The following MIA variants were observed in gnomAD, a reference collection of about 807,000 sequenced individuals.
MIA encodes melanoma-derived growth regulatory protein.
In MIA, 18 loss-of-function variants were observed where a neutral mutation model predicts 18.5. That is an observed-to-expected ratio of 0.97 (90% confidence interval 0.67 to 1.44). The LOEUF (loss-of-function observed/expected upper bound fraction) is 1.44. Ranked by LOEUF, MIA falls within the 40% of genes most tolerant of loss-of-function variation. The pLI, the probability that MIA is intolerant of heterozygous loss-of-function variation, is 0.00. For synonymous variants in MIA, 55 were observed against 64.9 expected, an observed-to-expected ratio of 0.85 and a Z score of 0.74; for missense variants, 158 against 172.4, an observed-to-expected ratio of 0.92 and a Z score of 0.47.
Position 40,775,856 on chromosome 19 carries a change from G to T in MIA, c.232G>T (p.Gly78Cys). ...QVVYVFSKLKGRGRLFWGGSV... is the reference protein window; with the variant it reads ...QVVYVFSKLKCRGRLFWGGSV... ...GGTGTATGTCTTCTCCAAGCTGAAG[G>T]GCCGTGGGCGGCTCTTCTGGGGAGG... is the stretch of plus-strand genomic sequence containing the variant. The change falls in exon 2 of 4, where the codon GGC becomes TGC. Residue 78 changes from glycine to cysteine, a missense_variant. Coordinates refer to ENST00000263369, the MANE Select transcript of MIA (RefSeq NM_006533.4). 2 of 1,614,042 alleles carry T rather than the reference G, an allele frequency of 1.2e-6. No individual in the cohort carries two copies. The highest frequency in any genetic ancestry group is 1.7e-6 in the Non-Finnish European group (2 of 1,180,016).
At chr19:40,775,517 G>T (rs751154983), upstream of MIA, 1 of 1,613,592 alleles carries the variant, frequency 6.2e-7, no homozygotes, top group Non-Finnish European at 8.5e-7. Flanking sequence ...GCACCCCCTT[G>T]CTCACTCTCT....
Position 40,775,785 on chromosome 19 carries a change from A to T in MIA, c.161A>T (p.Tyr54Phe). 2 of 1,614,016 alleles carry T rather than the reference A, an allele frequency of 1.2e-6. No individual in the cohort carries two copies. The highest frequency in any genetic ancestry group is 1.7e-6 in the Non-Finnish European group (2 of 1,180,016). ...TCCATGGCTGTGGCCCTTCAGGACT[A>T]CATGGCCCCCGACTGCCGATTCCTG... ...PISMAVALQD[Y>F]MAPDCRFLTI... Residue 54 changes from tyrosine (Y) to phenylalanine (F), a missense_variant, in exon 2 of 4, where the codon TAC (tyrosine) becomes TTC (phenylalanine). By Grantham distance (22) the Tyr-to-Phe change is conservative. Transcript: ENST00000263369.
chr19:40,775,991 G>T, intron 2 of MIA, 106 bp downstream of exon 2: 10 of 1,366,546 alleles, frequency 7.3e-6, no homozygotes, highest in Middle Eastern at 1.9e-4. Flanking sequence ...GACATTGTGG[G>T]GGGATATTGT....
intron 2 of MIA, among the ~76,000 whole-genome samples, chr19:40,776,519 A>G (rs2082997797): frequency 6.6e-6 from 1 of 152,064 alleles, no homozygotes; most frequent in Admixed American, 6.6e-5. Flanking sequence ...TTGGGAGGAT[A>G]GCTTGAGCCC....
chr19:40,777,221 A>T, intron 3 of MIA, 142 bp downstream of exon 3: 1 of 1,093,342 alleles, frequency 9.1e-7, no homozygotes, highest in Non-Finnish European at 1.4e-6. Context: ...CAATTTTCTC[A>T]CCAGTAAAAT....
At chr19:40,775,453 C>T (rs970927794), upstream of MIA, 11 of 1,587,686 alleles carry the variant, frequency 6.9e-6, no homozygotes, top group African/African-American at 2.7e-5. Flanking sequence ...AGACCAAGAA[C>T]ACAAGTTTCC....
chr19:40,775,311 T>G, upstream of MIA: 12 of 583,300 alleles, frequency 2.1e-5, no homozygotes, highest in Non-Finnish European at 3.3e-5. Flanking sequence ...GGGAAAGTTG[T>G]GAGCTGCTTT....
At chr19:40,775,933 A>C (rs766602638) in intron 2 of MIA, 48 bp downstream of exon 2, 1 of 1,597,504 alleles carries the variant, frequency 6.3e-7, no homozygotes, top group Non-Finnish European at 8.6e-7. Flanking sequence ...GCTGGGGTAG[A>C]CTCATTATCC....
In MIA at chr19:40,775,886, G is replaced by A. The variant is rs746704827; in HGVS notation, c.261+1G>A. 22 of 1,613,972 alleles carry A rather than the reference G, an allele frequency of 1.4e-5. No individual in the cohort carries two copies. The East Asian group carries it at 4.7e-4, about 34-fold the overall frequency. On this transcript the variant is annotated splice_donor_variant, in intron 2 of 3. Coordinates refer to ENST00000263369, the MANE Select transcript of MIA (RefSeq NM_006533.4). LOFTEE classifies it high-confidence loss of function. ...TGGGCGGCTCTTCTGGGGAGGCAGC[G>A]TGAGTCTTGGGAGAGTGAAAGAGGG...
upstream of MIA, chr19:40,775,463 C>T (rs2082988578): frequency 1.3e-6 from 2 of 1,599,568 alleles, no homozygotes; most frequent in Admixed American, 1.7e-5. Context: ...CACAAGTTTC[C>T]TTGTACTACG....
Position 40,777,095 on chromosome 19 carries a change from G to A in MIA, c.372+16G>A. On this transcript the variant is annotated intron_variant, in intron 3 of 3. Transcript: ENST00000263369. ...GAAGACAGACGTGAGTGTCATGGGG[G>A]CTGGCAAGAAATGTGGGGGGAGGAC... 6.2e-7 allele frequency: 1 copy of A among 1,602,798 alleles called. No homozygotes were observed. Among genetic ancestry groups the A allele is most frequent in the Non-Finnish European group, 8.5e-7 (1 of 1,172,090 alleles).
At chr19:40,775,412 C>T (rs909978107), upstream of MIA, 8 of 1,412,164 alleles carry the variant, frequency 5.7e-6, no homozygotes, top group African/African-American at 2.9e-5. Flanking sequence ...GTGGTGTGGG[C>T]GAAGTTTGGG....
At chr19:40,776,112 C>T (rs968053609) in intron 2 of MIA, among the ~76,000 whole-genome samples, 2 of 152,148 alleles carry the variant, frequency 1.3e-5, no homozygotes, top group Non-Finnish European at 2.9e-5. Flanking sequence ...CTGTAACCTC[C>T]ACCTCTTGGG....
At chr19:40,775,485 G>A, upstream of MIA, 1 of 1,610,566 alleles carries the variant, frequency 6.2e-7, no homozygotes, top group Non-Finnish European at 8.5e-7. Context: ...GAGAGAGGGA[G>A]GGGAGGAAAT....
At chr19:40,776,703 C>CT (rs1161118628) in intron 2 of MIA, 2 of 320,156 alleles carry the variant, frequency 6.2e-6, no homozygotes, top group African/African-American at 4.4e-5. Context: ...GATCATGCTA[C>CT]TGCACCTCAA....
chr19:40,777,263 G>T (rs1290082537), intron 3 of MIA, 134 bp from the exon 4 acceptor site: 4 of 1,162,214 alleles, frequency 3.4e-6, no homozygotes, highest in Non-Finnish European at 5.2e-6. Context: ...AGATTAGAGG[G>T]CTCTAGGCTA....
chr19:40,776,746 A>G lies in MIA; in HGVS notation c.262-223A>G. On this transcript the variant is annotated intron_variant, in intron 2 of 3. Coordinates refer to ENST00000263369, the MANE Select transcript of MIA (RefSeq NM_006533.4). ...GACACAATGAGACCCTGTTTCCAAA[A>G]TAATAATAATAATAAAAGCAAATAT... 4 of 378,360 alleles carry G rather than the reference A, an allele frequency of 1.1e-5. No homozygotes were observed. The South Asian group carries it at 1.3e-4, about 12-fold the overall frequency. 23.4% of individuals were successfully genotyped at this position (378,360 alleles called of 1,614,324 possible). A position where few individuals can be genotyped will look rare whatever the true frequency, so the allele number is the denominator to read the frequency against.
In MIA at chr19:40,775,665, C is replaced by A; in HGVS notation, c.123C>A (p.Cys41Ter). ...GGAAGCTGTGTGCGGACCAGGAGTGCAGCCGTAAGAATGGGGAGGGGAGAA... is the reference window on the plus strand; with the variant it reads ...GGAAGCTGTGTGCGGACCAGGAGTGAAGCCGTAAGAATGGGGAGGGGAGAA... ...ADRKLCADQE[C>*]SHPISMAVAL... Residue 41 changes from cysteine to a stop codon, truncating the protein, a stop_gained, in exon 1 of 4, where the codon TGC becomes TGA. Transcript: ENST00000263369. LOFTEE classifies it high-confidence loss of function. 1.2e-6 allele frequency: 2 copies of A among 1,614,126 alleles called. No homozygotes were observed. The highest frequency in any genetic ancestry group is 1.7e-6 in the Non-Finnish European group (2 of 1,180,020).
chr19:40,776,463 C>T (rs2082997354), intron 2 of MIA, among the ~76,000 whole-genome samples: 1 of 152,038 alleles, frequency 6.6e-6, no homozygotes, highest in Non-Finnish European at 1.5e-5. Flanking sequence ...AAAATAGCAG[C>T]AGCCGGGCAC....
Sources: allele counts gnomAD v4.1 joint callset (sites outside exome capture counted in the v4.1 genomes callset), GRCh38; gene constraint gnomAD v4.1.1; transcripts MANE v1.5; gene names NCBI Gene and HGNC (gene_info 2026-07-23, HGNC 2026-07-21).